Variants in PCDHGA5 observed in about 807,000 individuals in gnomAD.
The protein encoded by PCDHGA5 is protocadherin gamma-A5.
In PCDHGA5, 36 loss-of-function variants were observed where a neutral mutation model predicts 56.7. The observed-to-expected ratio is 0.64, with a 90% CI of 0.49 to 0.84. The LOEUF is 0.84. Among genes scored for constraint, PCDHGA5 ranks in the 40% least tolerant of loss-of-function variants. The pLI, the probability that PCDHGA5 is intolerant of heterozygous loss-of-function variation, is 0.00. For missense variants in PCDHGA5, 1,305 were observed against 1,201.5 expected (o/e 1.09, Z -1.27); for synonymous variants, 563 against 520.2 (o/e 1.08, Z -1.12).
intron 1 of PCDHGA5, chr5:141,408,201 C>A: frequency 6.5e-7 from 1 of 1,549,032 alleles, no homozygotes; most frequent in Non-Finnish European, 8.7e-7. Context: ...CCCGAGCGAA[C>A]GATGGGAGGG....
rs754384717 is a variant in PCDHGA5 at position 141,385,373 on chromosome 5, T to C, written c.2421+18622T>C. The C allele has an allele frequency of 3.9e-6, 6 of 1,529,356 alleles. No individual in the cohort carries two copies. The East Asian group carries it at 1.4e-4, about 35-fold the overall frequency. 94.7% of individuals were successfully genotyped at this position (1,529,356 alleles called of 1,614,324 possible). ...CCATGAGGAATTTATTTGCATGATA[T>C]TTCTCTATTATTTTGCAAAACAAAT... On this transcript the variant is annotated intron_variant, in intron 1 of 3. Coordinates refer to ENST00000518069, the MANE Select transcript of PCDHGA5 (RefSeq NM_018918.3).
At chr5:141,495,697 A>G (rs1010733016) in intron 2 of PCDHGA5, among the ~76,000 whole-genome samples, 1 of 152,086 alleles carries the variant, frequency 6.6e-6, no homozygotes, top group Non-Finnish European at 1.5e-5. Flanking sequence ...AGTGCTCAAT[A>G]AATGTGGAGT....
Position 141,491,611 on chromosome 5 carries a change from A to G in PCDHGA5, c.2422-3196A>G. The G allele has an allele frequency of 6.2e-7, 1 of 1,613,866 alleles. No individual in the cohort carries two copies. The highest frequency in any genetic ancestry group is 8.5e-7 in the Non-Finnish European group (1 of 1,180,018). Reference sequence around the variant, plus strand: ...GGACGGCAGTGACTTCACTTTTCTAAGACCCCTCAGCGTTCAGCAGCCCAC... The same window carrying G: ...GGACGGCAGTGACTTCACTTTTCTAGGACCCCTCAGCGTTCAGCAGCCCAC... On this transcript the variant is annotated intron_variant, in intron 1 of 3. Transcript: ENST00000518069. This position sits in a 1 kb window ranked among gnomAD's most constrained non-coding sequence, Gnocchi z 6.9.
intron 1 of PCDHGA5, chr5:141,427,227 A>G (rs111948686): frequency 8.8e-6 from 4 of 456,798 alleles, no homozygotes; most frequent in African/African-American, 4.0e-5. Flanking sequence ...CAGTTATACC[A>G]TGAGAGTAGA....
chr5:141,423,624 T>A (rs756883871), intron 1 of PCDHGA5: 9 of 1,607,038 alleles, frequency 5.6e-6, no homozygotes, highest in African/African-American at 1.3e-5. Flanking sequence ...AAGACTCAGC[T>A]ATCATTTTAG....
intron 1 of PCDHGA5, chr5:141,388,688 C>T: frequency 6.2e-7 from 1 of 1,613,970 alleles, no homozygotes; most frequent in Non-Finnish European, 8.5e-7. Context: ...CTGCCACGGA[C>T]CAGGATGAGG....
intron 1 of PCDHGA5, chr5:141,404,674 T>C: frequency 1.9e-6 from 3 of 1,614,176 alleles, no homozygotes; most frequent in East Asian, 2.2e-5. Context: ...GTTCTACTGG[T>C]GTGGAGCTGG....
At chr5:141,419,348 G>A (rs1195474899) in intron 1 of PCDHGA5, 1 of 1,613,816 alleles carries the variant, frequency 6.2e-7, no homozygotes, top group Non-Finnish European at 8.5e-7. Context: ...CAGCGACCTG[G>A]AGTCACGAAC....
intron 1 of PCDHGA5, chr5:141,385,096 G>T (rs746092295): frequency 6.2e-7 from 1 of 1,614,190 alleles, no homozygotes; most frequent in Non-Finnish European, 8.5e-7. Context: ...AGGTGGCTTG[G>T]CGAACGTGCC....
Position 141,431,646 on chromosome 5 carries a change from G to A in PCDHGA5, c.2422-63161G>A. ...GCGGCCCAAGTTTTCAAACTAGATT[G>A]TAATTCAGGGACAATATCAACAATA... On this transcript the variant is annotated intron_variant, in intron 1 of 3. Coordinates refer to ENST00000518069, the MANE Select transcript of PCDHGA5 (RefSeq NM_018918.3). The surrounding 1 kb of genome is among the most constrained non-coding windows in gnomAD (Gnocchi z 4.8). 2 of 1,614,252 alleles carry A rather than the reference G, an allele frequency of 1.2e-6. No individual in the cohort carries two copies. Among genetic ancestry groups the A allele is most frequent in the Non-Finnish European group, 1.7e-6 (2 of 1,180,046 alleles).
chr5:141,365,299 T>A lies in PCDHGA5; in HGVS notation c.969T>A (p.Asp323Glu), dbSNP rs777540442. Residue 323 changes from aspartate (D) to glutamate (E), a missense_variant, in exon 1 of 4, where the codon GAT becomes GAA. Transcript: ENST00000518069. The part of the protein sequence containing the change: ...RFYLMEVVAQ[D>E]GGALVASAKV... ...ACCTCATGGAAGTGGTAGCTCAGGA[T>A]GGAGGCGCTCTTGTTGCCAGCGCTA... 6.2e-7 allele frequency: 1 copy of A among 1,614,002 alleles called. No homozygotes were observed.
chr5:141,430,967 G>A lies in PCDHGA5; in HGVS notation c.2422-63840G>A, dbSNP rs746992307. 5 of 1,613,256 alleles carry A rather than the reference G, an allele frequency of 3.1e-6. No individual in the cohort carries two copies. In the East Asian group the frequency reaches 6.7e-5, roughly 22 times the overall value. On this transcript the variant is annotated intron_variant, in intron 1 of 3. Coordinates refer to ENST00000518069, the MANE Select transcript of PCDHGA5 (RefSeq NM_018918.3). ...GCGCGGAGTCCGCATCATCCCCAGA[G>A]GTAGGACGCAGCTTTTCGCCCTGAA... is the stretch of plus-strand genomic sequence containing the variant.
intron 1 of PCDHGA5, chr5:141,375,850 C>A (rs931838448): frequency 1.9e-6 from 3 of 1,614,070 alleles, no homozygotes; most frequent in East Asian, 2.2e-5. Context: ...ACCTGGTGAC[C>A]AAGGTGGTGG....
Position 141,490,731 on chromosome 5 carries a change from G to A in PCDHGA5, c.2422-4076G>A, listed in dbSNP as rs139283997. The A allele has an allele frequency of 6.8e-6, 11 of 1,614,080 alleles. No homozygotes were observed. In the African/African-American group the frequency reaches 1.1e-4, roughly 16 times the overall value. Reference sequence around the variant, plus strand: ...TCACCTACTCCATTGTAGGAAATCAGGTTCAGGGAGCCCCAGCCTCCTCCT... The same window carrying A: ...TCACCTACTCCATTGTAGGAAATCAAGTTCAGGGAGCCCCAGCCTCCTCCT... On this transcript the variant is annotated intron_variant, in intron 1 of 3. Transcript: ENST00000518069. The surrounding 1 kb of genome is among the most constrained non-coding windows in gnomAD (Gnocchi z 5.4).
chr5:141,421,945 AT>A (rs1473318347), intron 1 of PCDHGA5: 1 of 1,613,342 alleles, frequency 6.2e-7, no homozygotes, highest in Non-Finnish European at 8.5e-7. Flanking sequence ...AAATGATCAC[AT>A]CCCAATGTTT....
In PCDHGA5 at chr5:141,394,525, G is replaced by T; in HGVS notation, c.2421+27774G>T. ...CTGTACCCCGCCCTCCCCACAGACG[G>T]TTCCACTGGCGTGGAGCTGGCGCCC... On this transcript the variant is annotated intron_variant, in intron 1 of 3. Coordinates refer to ENST00000518069, the MANE Select transcript of PCDHGA5 (RefSeq NM_018918.3). 3 of 1,614,228 alleles carry T rather than the reference G, an allele frequency of 1.9e-6. No homozygotes were observed. The East Asian group carries it at 6.7e-5, about 36-fold the overall frequency.
At chr5:141,460,961 ATGTGTG>A (rs35821115) in intron 1 of PCDHGA5, among the ~76,000 whole-genome samples, 6 of 144,616 alleles carry the variant, frequency 4.1e-5, no homozygotes, top group South Asian at 4.4e-4. Flanking sequence ...GTATATATAT[ATGTGTG>A]TGTGTGTGTG....
intron 1 of PCDHGA5, among the ~76,000 whole-genome samples, chr5:141,434,579 A>T (rs931282309): frequency 6.6e-6 from 1 of 152,232 alleles, no homozygotes; most frequent in African/African-American, 2.4e-5. Context: ...CCTGCTGCAG[A>T]TAACTACCTC....
At chr5:141,390,047 C>T in intron 1 of PCDHGA5, 1 of 1,614,074 alleles carries the variant, frequency 6.2e-7, no homozygotes, top group Non-Finnish European at 8.5e-7. Flanking sequence ...GCCCCGCCTC[C>T]TGGAGCTGCT....
Sources: allele counts gnomAD v4.1 joint callset (sites outside exome capture counted in the v4.1 genomes callset), GRCh38; gene constraint gnomAD v4.1.1; non-coding constraint Gnocchi (gnomAD v3.1); transcripts MANE v1.5; gene names NCBI Gene and HGNC (gene_info 2026-07-23, HGNC 2026-07-21).